Variants in IQGAP2 observed in about 807,000 individuals in gnomAD.
IQGAP2 encodes the protein IQ motif containing GTPase activating protein 2, also known as ras GTPase-activating-like protein IQGAP2.
In IQGAP2, 173 loss-of-function variants were observed where a neutral mutation model predicts 201.3. The ratio of observed to expected loss-of-function variants is 0.86; its 90% CI spans 0.76 to 0.98. The LOEUF (loss-of-function observed/expected upper bound fraction) is 0.98, where lower values mean the gene tolerates loss of function less well. IQGAP2 is among the 50% of genes least tolerant of loss of function. The pLI is 0.00. For missense variants in IQGAP2, 1,687 were observed against 1,864.8 expected (o/e 0.90, Z 1.76); for synonymous variants, 675 against 673.9 (o/e 1.00, Z -0.03).
intron 22 of IQGAP2, among the ~76,000 whole-genome samples, chr5:76,667,377 A>G (rs1173043361): frequency 6.6e-6 from 1 of 152,220 alleles, no homozygotes; most frequent in African/African-American, 2.4e-5. Flanking sequence ...CTGCTTGAGT[A>G]TATTAGATGA....
intron 2 of IQGAP2, among the ~76,000 whole-genome samples, chr5:76,543,029 A>G (rs1279180411): frequency 2.6e-5 from 4 of 152,214 alleles, no homozygotes; most frequent in African/African-American, 4.8e-5. Context: ...CAATGGCTGT[A>G]GCTGTTTAGA....
intron 30 of IQGAP2, among the ~76,000 whole-genome samples, chr5:76,685,932 T>G (rs1441650865): frequency 6.6e-6 from 1 of 152,158 alleles, no homozygotes; most frequent in Admixed American, 6.5e-5. Flanking sequence ...CATTCCCCAT[T>G]CCCCGCTGCT....
intron 4 of IQGAP2, among the ~76,000 whole-genome samples, chr5:76,575,215 AT>A (rs1294498722): frequency 2.8e-5 from 4 of 142,654 alleles, no homozygotes; most frequent in African/African-American, 5.2e-5. Context: ...CTTTAAACAG[AT>A]TTTTTAAATG....
chr5:76,507,018 T>A (rs1361891479), intron 2 of IQGAP2, among the ~76,000 whole-genome samples: 3 of 152,194 alleles, frequency 2.0e-5, no homozygotes, highest in Non-Finnish European at 2.9e-5. Flanking sequence ...AAACTGACTC[T>A]AAAGTTTATA....
At chr5:76,550,683 T>C (rs552800845) in intron 2 of IQGAP2, among the ~76,000 whole-genome samples, 1 of 152,192 alleles carries the variant, frequency 6.6e-6, no homozygotes, top group Admixed American at 6.5e-5. Context: ...GGGTCACCGA[T>C]CAACAGGATC....
intron 17 of IQGAP2, among the ~76,000 whole-genome samples, chr5:76,645,281 G>T (rs1450426218): frequency 6.6e-6 from 1 of 152,088 alleles, no homozygotes; most frequent in Non-Finnish European, 1.5e-5. Context: ...CCAATCCTTT[G>T]CTATTGTGAA....
Position 76,677,285 on chromosome 5 carries a change from G to A in IQGAP2, c.3595G>A (p.Asp1199Asn), listed in dbSNP as rs985326694. 1.2e-6 allele frequency: 2 copies of A among 1,613,526 alleles called. No homozygotes were observed. The highest frequency in any genetic ancestry group is 1.7e-6 in the Non-Finnish European group (2 of 1,179,556). Residue 1199 changes from aspartate to asparagine, a missense_variant, in exon 28 of 36, where the codon GAC becomes AAC. By Grantham distance (23) the Asp-to-Asn change is conservative. Coordinates refer to ENST00000274364, the MANE Select transcript of IQGAP2 (RefSeq NM_006633.5). ...GAAGTTTAATATGGACAAATACACA[G>A]ACCTGGTGACAGTCAGCAAACCAGT... is the stretch of plus-strand genomic sequence containing the variant. Reference protein sequence around the residue: ...EEKFNMDKYTDLVTVSKPVIY... With the variant: ...EEKFNMDKYTNLVTVSKPVIY...
At chr5:76,495,374 G>T (rs1580317831) in intron 2 of IQGAP2, among the ~76,000 whole-genome samples, 1 of 152,288 alleles carries the variant, frequency 6.6e-6, no homozygotes, top group East Asian at 1.9e-4. Flanking sequence ...GATCAATTTG[G>T]TCTATTAGGC....
At chr5:76,658,751 C>T (rs1449904997) in intron 21 of IQGAP2, 84 bp downstream of exon 21, 8 of 1,175,636 alleles carry the variant, frequency 6.8e-6, no homozygotes, top group Non-Finnish European at 1.0e-5. Flanking sequence ...GACAGGGATA[C>T]ATTCTCAGAA....
At chr5:76,452,641 A>G (rs1394066622) in intron 1 of IQGAP2, among the ~76,000 whole-genome samples, 1 of 152,194 alleles carries the variant, frequency 6.6e-6, no homozygotes, top group Non-Finnish European at 1.5e-5. Flanking sequence ...GATTAACAAG[A>G]TATCTATAAT....
intron 2 of IQGAP2, among the ~76,000 whole-genome samples, chr5:76,531,779 C>T (rs1759308754): frequency 6.6e-6 from 1 of 152,200 alleles, no homozygotes; most frequent in African/African-American, 2.4e-5. Flanking sequence ...TACTTCTTCC[C>T]TTCCCAGAGA....
intron 1 of IQGAP2, among the ~76,000 whole-genome samples, chr5:76,421,550 A>G (rs957030080): frequency 2.6e-5 from 4 of 152,206 alleles, no homozygotes; most frequent in Admixed American, 2.6e-4. Context: ...CCCGGAAGTT[A>G]AGGCTGCAGT....
intron 21 of IQGAP2, among the ~76,000 whole-genome samples, chr5:76,664,731 A>C (rs1743586376): frequency 6.6e-6 from 1 of 152,198 alleles, no homozygotes; most frequent in African/African-American, 2.4e-5. Flanking sequence ...TAGATAGTAT[A>C]ATAATGAAAA....
chr5:76,527,041 C>T (rs1301743228), intron 2 of IQGAP2, among the ~76,000 whole-genome samples: 5 of 152,128 alleles, frequency 3.3e-5, no homozygotes, highest in Non-Finnish European at 1.5e-5. Context: ...GGTGTGAAAT[C>T]AGTGAGGCAA....
intron 16 of IQGAP2, among the ~76,000 whole-genome samples, chr5:76,637,779 T>C (rs1435473912): frequency 6.6e-6 from 1 of 152,254 alleles, no homozygotes; most frequent in Non-Finnish European, 1.5e-5. Flanking sequence ...CATGTCCAAA[T>C]GTAAGTGCAA....
chr5:76,572,134 C>T (rs990899192), intron 4 of IQGAP2, among the ~76,000 whole-genome samples: 7 of 151,994 alleles, frequency 4.6e-5, no homozygotes, highest in South Asian at 4.1e-4. Flanking sequence ...TGAGTCACAT[C>T]GTTTCCACTC....
chr5:76,465,113 T>C (rs1754700887), intron 2 of IQGAP2, among the ~76,000 whole-genome samples: 1 of 152,184 alleles, frequency 6.6e-6, no homozygotes, highest in African/African-American at 2.4e-5. Flanking sequence ...GATAGCCATC[T>C]CAAGAAAACT....
At chr5:76,684,345 G>C (rs1228700055) in intron 30 of IQGAP2, among the ~76,000 whole-genome samples, 1 of 152,092 alleles carries the variant, frequency 6.6e-6, no homozygotes, top group African/African-American at 2.4e-5. Flanking sequence ...CTGATTTATT[G>C]GCCTTCCTTC....
chr5:76,457,118 C>T (rs926016449), intron 1 of IQGAP2, among the ~76,000 whole-genome samples: 2 of 152,040 alleles, frequency 1.3e-5, no homozygotes, highest in African/African-American at 4.8e-5. Context: ...TTCCGAGTAG[C>T]TGAGACTATA....
Sources: allele counts gnomAD v4.1 joint callset (sites outside exome capture counted in the v4.1 genomes callset), GRCh38; gene constraint gnomAD v4.1.1; transcripts MANE v1.5; gene names NCBI Gene and HGNC (gene_info 2026-07-23, HGNC 2026-07-21).